Variants in CTNNA3 observed in about 807,000 individuals in gnomAD.
CTNNA3 encodes the protein catenin alpha-3.
In CTNNA3, 76 loss-of-function variants were observed where a neutral mutation model predicts 95.7. The ratio of observed to expected loss-of-function variants is 0.79; its 90% CI spans 0.66 to 0.96. The LOEUF (loss-of-function observed/expected upper bound fraction) is 0.96. Ranked by LOEUF, CTNNA3 falls within the 40% of genes least tolerant of loss-of-function variation. The pLI, the probability that CTNNA3 is intolerant of heterozygous loss-of-function variation, is 0.00. For missense variants in CTNNA3, 1,191 were observed against 1,089.8 expected, an observed-to-expected ratio of 1.09 and a Z score of -1.31; for synonymous variants, 431 against 374.4, an observed-to-expected ratio of 1.15 and a Z score of -1.74.
intron 11 of CTNNA3, among the ~76,000 whole-genome samples, chr10:66,380,930 T>A (rs936355454): frequency 1.3e-5 from 2 of 151,178 alleles, no homozygotes; most frequent in Admixed American, 6.6e-5. Context: ...ACAAAGAGAC[T>A]TAGACTCCCA....
intron 12 of CTNNA3, among the ~76,000 whole-genome samples, chr10:66,280,828 A>ATTT (rs61169201): frequency 6.0e-5 from 9 of 150,126 alleles, no homozygotes; most frequent in African/African-American, 2.2e-4. Flanking sequence ...AATTAAAGGC[A>ATTT]TTTTTTTTTT....
chr10:67,117,849 T>C (rs1859264195), intron 7 of CTNNA3, among the ~76,000 whole-genome samples: 1 of 152,050 alleles, frequency 6.6e-6, no homozygotes, highest in Non-Finnish European at 1.5e-5. Flanking sequence ...AGGTGTTCAG[T>C]ATATTTATTA....
At chr10:67,217,641 C>A (rs1864442309) in intron 6 of CTNNA3, among the ~76,000 whole-genome samples, 1 of 152,182 alleles carries the variant, frequency 6.6e-6, no homozygotes, top group Admixed American at 6.5e-5. Context: ...CTGTGGCAGT[C>A]ACTTTCAACT....
intron 1 of CTNNA3, among the ~76,000 whole-genome samples, chr10:67,746,040 C>T (rs1054169847): frequency 1.3e-5 from 2 of 152,082 alleles, no homozygotes; most frequent in Non-Finnish European, 2.9e-5. Flanking sequence ...TATCGAAATA[C>T]CAATGACATT....
chr10:67,072,810 G>A (rs1244192399), intron 7 of CTNNA3, among the ~76,000 whole-genome samples: 1 of 152,074 alleles, frequency 6.6e-6, no homozygotes, highest in Admixed American at 6.6e-5. Context: ...TGGTATGTTT[G>A]AGTTTGGTGT....
intron 5 of CTNNA3, among the ~76,000 whole-genome samples, chr10:67,323,819 G>C (rs1841426502): frequency 6.6e-6 from 1 of 152,112 alleles, no homozygotes; most frequent in Non-Finnish European, 1.5e-5. Flanking sequence ...TAACAACATT[G>C]ATTCTTCCTG....
intron 5 of CTNNA3, among the ~76,000 whole-genome samples, chr10:67,254,210 C>T (rs1018332067): frequency 4.6e-5 from 7 of 151,394 alleles, no homozygotes; most frequent in Non-Finnish European, 8.8e-5. Context: ...CAAAGTGGCC[C>T]CCGAGACTCA....
chr10:67,283,591 A>C (rs1839483338), intron 5 of CTNNA3, among the ~76,000 whole-genome samples: 1 of 152,200 alleles, frequency 6.6e-6, no homozygotes, highest in African/African-American at 2.4e-5. Flanking sequence ...AGACCCCAGA[A>C]GCATGCTAAT....
At chr10:67,467,504 C>A (rs1038829538) in intron 5 of CTNNA3, among the ~76,000 whole-genome samples, 1 of 152,014 alleles carries the variant, frequency 6.6e-6, no homozygotes, top group South Asian at 2.1e-4. Flanking sequence ...TACCCCTAGG[C>A]ATCATTTCAC....
intron 6 of CTNNA3, among the ~76,000 whole-genome samples, chr10:67,192,714 T>C (rs1365195368): frequency 6.6e-6 from 1 of 151,840 alleles, no homozygotes; most frequent in African/African-American, 2.4e-5. Flanking sequence ...AAATTAAAAA[T>C]ACAACTACCA....
chr10:66,582,920 G>A (rs1344413446), intron 10 of CTNNA3, among the ~76,000 whole-genome samples: 2 of 151,550 alleles, frequency 1.3e-5, no homozygotes, highest in African/African-American at 2.4e-5. Context: ...AAAAAATTCT[G>A]TTTATCTGAT....
chr10:67,544,041 G>A (rs914212957), intron 3 of CTNNA3, among the ~76,000 whole-genome samples: 2 of 152,188 alleles, frequency 1.3e-5, no homozygotes, highest in East Asian at 3.8e-4. Context: ...TATCATGGCA[G>A]GTGGAAGGGC....
chr10:66,383,752 C>T (rs559789687), intron 11 of CTNNA3, among the ~76,000 whole-genome samples: 50 of 152,288 alleles, frequency 3.3e-4, no homozygotes, highest in African/African-American at 1.1e-3. Flanking sequence ...GATCTCTTGG[C>T]AGAAACCCTA....
At chr10:67,001,682 G>T (rs1226130589) in intron 7 of CTNNA3, among the ~76,000 whole-genome samples, 3 of 152,102 alleles carry the variant, frequency 2.0e-5, no homozygotes, top group East Asian at 1.9e-4. Context: ...GATCCTAATT[G>T]TATTCATAAT....
At chr10:66,589,383 G>A (rs967258223) in intron 10 of CTNNA3, among the ~76,000 whole-genome samples, 6 of 152,132 alleles carry the variant, frequency 3.9e-5, no homozygotes, top group African/African-American at 1.4e-4. Flanking sequence ...CAATAAGGGA[G>A]TTGGTTTGGG....
At chr10:66,673,145 A>C (rs1445532212) in intron 9 of CTNNA3, among the ~76,000 whole-genome samples, 2 of 152,118 alleles carry the variant, frequency 1.3e-5, no homozygotes, top group Non-Finnish European at 2.9e-5. Flanking sequence ...CTAATGAGGC[A>C]TTAAATGTCC....
chr10:66,246,887 C>A (rs533057273), intron 13 of CTNNA3, among the ~76,000 whole-genome samples: 1 of 151,778 alleles, frequency 6.6e-6, no homozygotes, highest in African/African-American at 2.4e-5. Flanking sequence ...CCCGTCTCTA[C>A]TAAAAAACAC....
chr10:65,987,113 G>A (rs776677710), intron 16 of CTNNA3, among the ~76,000 whole-genome samples: 1 of 151,502 alleles, frequency 6.6e-6, no homozygotes, highest in Non-Finnish European at 1.5e-5. Context: ...GAAAACACGG[G>A]GCTTCAGGAC....
intron 9 of CTNNA3, among the ~76,000 whole-genome samples, chr10:66,754,919 T>C (rs766030632): frequency 8.5e-5 from 13 of 152,132 alleles, no homozygotes; most frequent in Non-Finnish European, 1.8e-4. Flanking sequence ...CTGTTAAACA[T>C]AGAGTTATCA....
Sources: allele counts gnomAD v4.1 joint callset (sites outside exome capture counted in the v4.1 genomes callset), GRCh38; gene constraint gnomAD v4.1.1; transcripts MANE v1.5; gene names NCBI Gene and HGNC (gene_info 2026-07-23, HGNC 2026-07-21).